CAMTA1: variants seen among roughly 807,000 people sequenced by gnomAD.
CAMTA1 encodes calmodulin-binding transcription activator 1.
A neutral mutation model predicts 170.9 loss-of-function variants in CAMTA1; 27 were observed. The observed-to-expected ratio is 0.16, with a 90% CI of 0.12 to 0.22. The LOEUF (loss-of-function observed/expected upper bound fraction) is 0.22. Ranked by LOEUF, CAMTA1 falls within the 10% of genes least tolerant of loss-of-function variation. The pLI, the probability that CAMTA1 is intolerant of heterozygous loss-of-function variation, is 1.00. For synonymous variants in CAMTA1, 833 were observed against 891.5 expected (o/e 0.93, Z 1.17); for missense variants, 1,619 against 2,217.2 (o/e 0.73, Z 5.42).
chr1:7,594,847 CCCCT>C (rs2095386889), intron 6 of CAMTA1, among the ~76,000 whole-genome samples: 1 of 152,198 alleles, frequency 6.6e-6, no homozygotes, highest in South Asian at 2.1e-4. Context: ...ATGAAGAGCT[CCCCT>C]CGGGTCATAT....
intron 1 of CAMTA1, among the ~76,000 whole-genome samples, chr1:6,790,204 T>TTACAC (rs1210561320): frequency 6.6e-6 from 1 of 152,076 alleles, no homozygotes; most frequent in Admixed American, 6.5e-5. Context: ...ATTTTTAAGT[T>TTACAC]TTTGGATTGT....
chr1:7,731,862 C>T (rs569360340), intron 11 of CAMTA1, among the ~76,000 whole-genome samples: 9 of 152,166 alleles, frequency 5.9e-5, no homozygotes, highest in Non-Finnish European at 8.8e-5. Context: ...TGGGCGACAA[C>T]GTGAGACTGT....
At chr1:7,149,475 C>T (rs756579946) in intron 4 of CAMTA1, among the ~76,000 whole-genome samples, 15 of 152,198 alleles carry the variant, frequency 9.9e-5, no homozygotes, top group Admixed American at 4.6e-4. Flanking sequence ...ATGCCAGCTT[C>T]GGCTCAGGCT....
At chr1:7,389,023 G>C (rs904206256) in intron 5 of CAMTA1, among the ~76,000 whole-genome samples, 13 of 152,236 alleles carry the variant, frequency 8.5e-5, no homozygotes, top group African/African-American at 3.1e-4. Flanking sequence ...TCCCAGCACT[G>C]AGTAGGCACT....
chr1:7,611,461 G>T (rs980362426), intron 6 of CAMTA1, among the ~76,000 whole-genome samples: 1 of 152,206 alleles, frequency 6.6e-6, no homozygotes, highest in African/African-American at 2.4e-5. Flanking sequence ...CAGGTTAGAG[G>T]AGCAGGATGC....
chr1:7,752,421 G>T (rs373618340), intron 20 of CAMTA1, 38 bp from the exon 21 acceptor site: 1 of 1,590,072 alleles, frequency 6.3e-7, no homozygotes. Context: ...GGGCTTTACT[G>T]TAACCTTCTT....
chr1:7,313,190 G>GT (rs1308154598), intron 5 of CAMTA1, among the ~76,000 whole-genome samples: 1 of 152,146 alleles, frequency 6.6e-6, no homozygotes, highest in Non-Finnish European at 1.5e-5. Flanking sequence ...AGCTGTGTCT[G>GT]TATTTGTGAA....
chr1:7,558,472 A>C (rs754188247), intron 6 of CAMTA1, among the ~76,000 whole-genome samples: 2 of 152,248 alleles, frequency 1.3e-5, no homozygotes, highest in Non-Finnish European at 2.9e-5. Context: ...ACTCCTGAGC[A>C]GACAGGGAGG....
At chr1:7,713,607 A>C (rs2149691742) in intron 11 of CAMTA1, among the ~76,000 whole-genome samples, 1 of 152,334 alleles carries the variant, frequency 6.6e-6, no homozygotes, top group East Asian at 1.9e-4. Flanking sequence ...TCTTTGATAC[A>C]ACATTTTGTG....
chr1:7,593,647 G>T (rs1391373463), intron 6 of CAMTA1, among the ~76,000 whole-genome samples: 1 of 151,476 alleles, frequency 6.6e-6, no homozygotes, highest in Non-Finnish European at 1.5e-5. Flanking sequence ...GCACTATCAC[G>T]CCTGGCTAAC....
chr1:7,268,252 G>T (rs146244105), intron 5 of CAMTA1, among the ~76,000 whole-genome samples: 196 of 57,100 alleles, frequency 3.4e-3, no homozygotes, highest in Non-Finnish European at 4.8e-3. Context: ...GAGTGCTGAA[G>T]AGTACAGAGG....
chr1:6,809,083 A>G (rs935186038), intron 1 of CAMTA1, among the ~76,000 whole-genome samples: 2 of 151,004 alleles, frequency 1.3e-5, no homozygotes, highest in East Asian at 3.9e-4. Flanking sequence ...CTGCAGTGCA[A>G]TGGCATGGTC....
At position 7,547,689 on chromosome 1, in the gene CAMTA1, G is replaced by T. The variant is rs2094716490; in HGVS notation, c.510+79788G>T. Reference sequence around the variant, plus strand: ...CATAAACTTTCCTAAAACATTATGAGACTTTTTTGCAATTTTTTTTTTTTT... The same window carrying T: ...CATAAACTTTCCTAAAACATTATGATACTTTTTTGCAATTTTTTTTTTTTT... On this transcript the variant is annotated intron_variant, in intron 6 of 22. Transcript: ENST00000303635. This position sits in a 1 kb window ranked among gnomAD's most constrained non-coding sequence, Gnocchi z 5.7. 8.0e-6 allele frequency among the ~76,000 whole-genome samples: 1 copy of T among 125,666 alleles called. No individual in the cohort carries two copies. The highest frequency in any genetic ancestry group is 1.6e-5 in the Non-Finnish European group (1 of 64,102). 82.4% of individuals were successfully genotyped at this position (125,666 alleles called of 152,430 possible). A position where few individuals can be genotyped will look rare whatever the true frequency, so the allele number is the denominator to read the frequency against.
chr1:7,131,094 C>T (rs1321799600), intron 4 of CAMTA1, among the ~76,000 whole-genome samples: 1 of 152,042 alleles, frequency 6.6e-6, no homozygotes, highest in Non-Finnish European at 1.5e-5. Flanking sequence ...ACTGGGACTA[C>T]AGGCACGCGC....
intron 5 of CAMTA1, among the ~76,000 whole-genome samples, chr1:7,327,003 C>G (rs748254171): frequency 3.3e-4 from 51 of 152,268 alleles, no homozygotes; most frequent in Non-Finnish European, 6.2e-4. Context: ...GATATGCTGT[C>G]TTCAGGTCAC....
At chr1:7,388,094 T>C (rs2040433) in intron 5 of CAMTA1, 32,414 of 151,914 alleles carry the variant, frequency 0.21, 3,970 homozygotes, top group East Asian at 0.53. Flanking sequence ...TAGCCTTGGG[T>C]GGATGATCAC....
chr1:7,517,464 G>A (rs1293978521), intron 6 of CAMTA1, among the ~76,000 whole-genome samples: 1 of 152,150 alleles, frequency 6.6e-6, no homozygotes, highest in Non-Finnish European at 1.5e-5. Context: ...ACCTGGCACA[G>A]AACCTGGCAT....
intron 6 of CAMTA1, among the ~76,000 whole-genome samples, chr1:7,528,065 C>G (rs943312216): frequency 1.3e-5 from 2 of 152,246 alleles, no homozygotes; most frequent in African/African-American, 4.8e-5. Flanking sequence ...AAGAATCCCA[C>G]AGCCCAGACA....
chr1:7,573,549 C>T (rs953785962), intron 6 of CAMTA1, among the ~76,000 whole-genome samples: 15 of 152,208 alleles, frequency 9.9e-5, no homozygotes, highest in Admixed American at 3.9e-4. Flanking sequence ...AAAACCACAG[C>T]GCCAGCAGGG....
Sources: allele counts gnomAD v4.1 joint callset (sites outside exome capture counted in the v4.1 genomes callset), GRCh38; gene constraint gnomAD v4.1.1; non-coding constraint Gnocchi (gnomAD v3.1); transcripts MANE v1.5; gene names NCBI Gene and HGNC (gene_info 2026-07-23, HGNC 2026-07-21).